The following MZT2A variants were observed in gnomAD, a reference collection of about 807,000 sequenced individuals.
The protein encoded by MZT2A is mitotic-spindle organizing protein 2A.
A neutral mutation model predicts 12.4 loss-of-function variants in MZT2A; 8 were observed. That is an observed-to-expected ratio of 0.64 (90% CI 0.38 to 1.16). The LOEUF is 1.16. Ranked by LOEUF, MZT2A falls within the 50% of genes most tolerant of loss-of-function variation. MZT2A has a pLI of 0.01. For missense variants in MZT2A, 181 were observed against 223.6 expected, an observed-to-expected ratio of 0.81 and a Z score of 1.22; for synonymous variants, 88 against 107.5, an observed-to-expected ratio of 0.82 and a Z score of 1.12.
chr2:131,488,157 G>A (rs572959403), intron 2 of MZT2A, among the ~76,000 whole-genome samples: 4 of 152,300 alleles, frequency 2.6e-5, no homozygotes, highest in African/African-American at 9.6e-5. Flanking sequence ...GCACAGCTCA[G>A]GTGAGACTCA....
chr2:131,478,030 T>G (rs1256630109), intron 2 of MZT2A: 2 of 1,240,136 alleles, frequency 1.6e-6, no homozygotes, highest in Non-Finnish European at 2.2e-6. Context: ...TCACTAACCC[T>G]CCTAGGAAAT....
At chr2:131,471,873 T>C (rs184328394) in intron 3 of MZT2A, among the ~76,000 whole-genome samples, 1 of 152,338 alleles carries the variant, frequency 6.6e-6, no homozygotes, top group Non-Finnish European at 1.5e-5. Context: ...CAAGCCCAGC[T>C]AGCTGACATG....
At chr2:131,480,527 T>C (rs140245426), downstream of MZT2A, 7,447 of 1,603,904 alleles carry the variant, frequency 4.6e-3, 209 homozygotes, top group African/African-American at 8.1e-3. Context: ...TCATCTCAGC[T>C]GAGAAGGCCT....
intron 2 of MZT2A, chr2:131,490,932 G>T: frequency 1.3e-6 from 2 of 1,549,550 alleles, no homozygotes; most frequent in Non-Finnish European, 8.7e-7. Flanking sequence ...CAGACAGAGC[G>T]AGGGTCAGTG....
intron 2 of MZT2A, among the ~76,000 whole-genome samples, chr2:131,472,567 T>C (rs1678479332): frequency 2.0e-5 from 3 of 152,218 alleles, no homozygotes; most frequent in Non-Finnish European, 4.4e-5. Context: ...ACAGACAGCA[T>C]ATATATAACA....
At chr2:131,490,451 C>T (rs1679244871) in intron 2 of MZT2A, 2 of 1,347,260 alleles carry the variant, frequency 1.5e-6, no homozygotes, top group South Asian at 1.6e-5. Flanking sequence ...GCTCTTTACA[C>T]TCACCACTAG....
At chr2:131,475,468 T>A (rs1227982168) in intron 2 of MZT2A, among the ~76,000 whole-genome samples, 1 of 151,886 alleles carries the variant, frequency 6.6e-6, no homozygotes, top group African/African-American at 2.4e-5. Context: ...TAGCTGGGAT[T>A]ACAGGTGCCT....
intron 2 of MZT2A, chr2:131,489,700 A>G (rs1004146924): frequency 1.3e-5 from 3 of 230,408 alleles, no homozygotes; most frequent in African/African-American, 4.7e-5. Context: ...TTTTGTAGAG[A>G]TGGGGTCTTG....
chr2:131,490,781 T>C (rs1679262716), intron 2 of MZT2A: 6 of 1,548,670 alleles, frequency 3.9e-6, no homozygotes, highest in Non-Finnish European at 2.6e-6. Flanking sequence ...GAGAGGTGAG[T>C]GTGTGGCAGC....
downstream of MZT2A, chr2:131,479,511 G>A (rs1236264727): frequency 3.8e-6 from 6 of 1,599,278 alleles, no homozygotes; most frequent in Non-Finnish European, 5.1e-6. Flanking sequence ...GGTAGTTCTT[G>A]GAATGTGAAA....
At chr2:131,480,681 G>A (rs746492290), downstream of MZT2A, 25 of 1,613,708 alleles carry the variant, frequency 1.5e-5, no homozygotes, top group South Asian at 6.6e-5. Context: ...AGACGTCAAC[G>A]CGGCCATCGC....
At chr2:131,476,785 A>T (rs1292239995) in intron 2 of MZT2A, among the ~76,000 whole-genome samples, 1 of 151,494 alleles carries the variant, frequency 6.6e-6, no homozygotes, top group East Asian at 1.9e-4. Context: ...AAATACAAAA[A>T]TTACCCGGGC....
upstream of MZT2A, chr2:131,492,785 G>GGT (rs1559367014): frequency 1.5e-6 from 2 of 1,354,774 alleles, no homozygotes; most frequent in African/African-American, 3.0e-5. Flanking sequence ...GCTCTTCGGG[G>GGT]GGGGTGGGGG....
chr2:131,492,787 G>C, upstream of MZT2A: 2 of 1,356,396 alleles, frequency 1.5e-6, no homozygotes, highest in South Asian at 1.3e-5. Context: ...TCTTCGGGGG[G>C]GGTGGGGGGC....
Position 131,492,360 on chromosome 2 carries a change from A to G in MZT2A, c.17T>C (p.Val6Ala), listed in dbSNP as rs1471938616. Residue 6 changes from valine (V) to alanine (A), a missense_variant, in exon 1 of 3, where the codon GTA (valine) becomes GCA (alanine). Val to Ala is a moderately conservative substitution (Grantham distance 64). Transcript: ENST00000309451. MAAQG[V>A]GPGPGSAAPP... ...CGCCGCCGACCCCGGCCCAGGCCCTACGCCCTGCGCCGCCATCCGCGAGGC... is the reference window on the plus strand; with the variant it reads ...CGCCGCCGACCCCGGCCCAGGCCCTGCGCCCTGCGCCGCCATCCGCGAGGC... 6 of 1,393,622 alleles carry G rather than the reference A, an allele frequency of 4.3e-6. No homozygotes were observed. Among genetic ancestry groups the G allele is most frequent in the Non-Finnish European group, 5.5e-6 (6 of 1,083,128 alleles). 86.3% of individuals were successfully genotyped at this position (1,393,622 alleles called of 1,614,324 possible). A position where few individuals can be genotyped will look rare whatever the true frequency, so the allele number is the denominator to read the frequency against.
Position 131,490,549 on chromosome 2 carries a change from T to C in MZT2A, c.319+1327A>G, listed in dbSNP as rs1679249608. 15 of 1,490,052 alleles carry C rather than the reference T, an allele frequency of 1.0e-5. No homozygotes were observed. In the South Asian group the frequency reaches 1.6e-4, roughly 16 times the overall value. The allele number at this position is 1,490,052 out of a possible 1,614,324, so 92.3% of individuals were successfully genotyped here. A position where few individuals can be genotyped will look rare whatever the true frequency, so the allele number is the denominator to read the frequency against. On this transcript the variant is annotated intron_variant, in intron 2 of 2. Coordinates refer to ENST00000309451, the MANE Select transcript of MZT2A (RefSeq NM_001085365.2). ...AGAGACTGCCACACCATGTCTCTAA[T>C]AAACCGAGTCAGAAATAGTGCCCTG...
At chr2:131,485,022 A>G (rs540235943) in intron 2 of MZT2A, among the ~76,000 whole-genome samples, 1 of 152,328 alleles carries the variant, frequency 6.6e-6, no homozygotes, top group Non-Finnish European at 1.5e-5. Context: ...GGGTGTTGAC[A>G]GCATCGGCAA....
chr2:131,470,416 A>G (rs909376487), intron 3 of MZT2A: 1 of 1,228,142 alleles, frequency 8.1e-7, no homozygotes, highest in South Asian at 1.3e-5. Flanking sequence ...AGTTTACACT[A>G]TATTAAAGAG....
rs147666596 is a variant in MZT2A, at chr2:131,487,654, C to T, written c.320-3436G>A. 1.5e-3 allele frequency among the ~76,000 whole-genome samples: 232 copies of T among 152,354 alleles called. 1 individual carries two copies. The highest frequency in any genetic ancestry group is 5.4e-3 in the African/African-American group (223 of 41,572). On this transcript the variant is annotated intron_variant, in intron 2 of 2. Coordinates refer to ENST00000309451, the MANE Select transcript of MZT2A (RefSeq NM_001085365.2). The stretch of plus-strand genomic sequence containing the variant: ...CTTTGTAGAAATGGGTGGGGTCTTG[C>T]TATGTTGCCCAGGCTGGTCTCAAAC...
Sources: allele counts gnomAD v4.1 joint callset (sites outside exome capture counted in the v4.1 genomes callset), GRCh38; gene constraint gnomAD v4.1.1; transcripts MANE v1.5; gene names NCBI Gene and HGNC (gene_info 2026-07-23, HGNC 2026-07-21).